Variants in IMMP2L observed in about 807,000 individuals in gnomAD.
IMMP2L encodes the protein mitochondrial inner membrane protease subunit 2.
A neutral mutation model predicts 19.3 loss-of-function variants in IMMP2L; 18 were observed. The ratio of observed to expected loss-of-function variants is 0.93; its 90% CI spans 0.64 to 1.38. IMMP2L has a LOEUF of 1.38. IMMP2L is among the 40% of genes most tolerant of loss of function. IMMP2L has a pLI of 0.00. For missense variants in IMMP2L, 233 were observed against 218.2 expected (o/e 1.07, Z -0.43); for synonymous variants, 76 against 73.0 (o/e 1.04, Z -0.21).
intron 3 of IMMP2L, among the ~76,000 whole-genome samples, chr7:111,482,612 C>G (rs1842287757): frequency 6.6e-6 from 1 of 151,996 alleles, no homozygotes; most frequent in South Asian, 2.1e-4. Context: ...TAGTCATGAC[C>G]CAAGTATGTG....
chr7:110,788,323 AT>A (rs1468214079), intron 5 of IMMP2L, among the ~76,000 whole-genome samples: 2 of 152,144 alleles, frequency 1.3e-5, no homozygotes, highest in South Asian at 4.1e-4. Context: ...TTGACAATTA[AT>A]TCTCAGTCCA....
At chr7:111,277,188 T>C (rs894839890) in intron 3 of IMMP2L, among the ~76,000 whole-genome samples, 2 of 151,734 alleles carry the variant, frequency 1.3e-5, no homozygotes, top group Non-Finnish European at 2.9e-5. Context: ...GTCTATAGAA[T>C]GGGAAAAAAT....
chr7:111,041,639 C>T (rs1188936841), intron 3 of IMMP2L, among the ~76,000 whole-genome samples: 8 of 151,578 alleles, frequency 5.3e-5, no homozygotes, highest in South Asian at 4.2e-4. Context: ...TACTAGATCC[C>T]GGGGCCCTAT....
chr7:111,432,976 AC>A (rs1836787224), intron 3 of IMMP2L, among the ~76,000 whole-genome samples: 2 of 151,566 alleles, frequency 1.3e-5, no homozygotes, highest in African/African-American at 4.9e-5. Flanking sequence ...AAAAAAAAAA[AC>A]ACACCTGGGA....
intron 5 of IMMP2L, among the ~76,000 whole-genome samples, chr7:110,816,793 G>T (rs1001432401): frequency 6.6e-6 from 1 of 151,454 alleles, no homozygotes; most frequent in Non-Finnish European, 1.5e-5. Flanking sequence ...TGCAACCCCT[G>T]CCTTTTTTTG....
chr7:111,400,787 G>T (rs781058410), intron 3 of IMMP2L, among the ~76,000 whole-genome samples: 1 of 151,942 alleles, frequency 6.6e-6, no homozygotes, highest in Non-Finnish European at 1.5e-5. Context: ...TATGACATTA[G>T]ATCAATGACT....
At chr7:111,157,715 TAA>T (rs890070704) in intron 3 of IMMP2L, among the ~76,000 whole-genome samples, 3 of 152,030 alleles carry the variant, frequency 2.0e-5, no homozygotes, top group Non-Finnish European at 4.4e-5. Flanking sequence ...ATTTAAAAAC[TAA>T]AAGAGTGTAA....
chr7:110,802,331 ATGTGTGTGTGTGTGTGTGTGTGTG>A (rs10545848), intron 5 of IMMP2L, among the ~76,000 whole-genome samples: 1 of 146,986 alleles, frequency 6.8e-6, no homozygotes, highest in African/African-American at 2.5e-5. Flanking sequence ...GTATGTGTGT[ATGTGTGTGTGTGTGTGTGTGTGTG>A]TGTGTGTGTG....
At chr7:111,012,460 T>C (rs142434799) in intron 3 of IMMP2L, among the ~76,000 whole-genome samples, 1 of 152,292 alleles carries the variant, frequency 6.6e-6, no homozygotes, top group African/African-American at 2.4e-5. Context: ...CTCTACATTA[T>C]ACTTTTTCAA....
chr7:111,039,783 A>C (rs1791712133), intron 3 of IMMP2L, among the ~76,000 whole-genome samples: 2 of 152,168 alleles, frequency 1.3e-5, no homozygotes, highest in African/African-American at 4.8e-5. Context: ...TTACCTAAGA[A>C]ATATCTTCTC....
intron 5 of IMMP2L, among the ~76,000 whole-genome samples, chr7:110,874,780 G>A (rs953459479): frequency 3.9e-5 from 6 of 152,012 alleles, no homozygotes; most frequent in Non-Finnish European, 7.4e-5. Context: ...GCCACAGATT[G>A]GGTAATTTAT....
chr7:110,761,583 T>A (rs1798351792), intron 5 of IMMP2L, among the ~76,000 whole-genome samples: 1 of 152,188 alleles, frequency 6.6e-6, no homozygotes, highest in Admixed American at 6.5e-5. Flanking sequence ...TAAATTTTTA[T>A]GAAAATAACC....
intron 3 of IMMP2L, among the ~76,000 whole-genome samples, chr7:111,008,366 T>C (rs1268556853): frequency 6.6e-6 from 1 of 152,100 alleles, no homozygotes; most frequent in Non-Finnish European, 1.5e-5. Flanking sequence ...GCTCAGGGAC[T>C]CTGTACTAAG....
At chr7:111,083,537 A>G (rs1231170801) in intron 3 of IMMP2L, among the ~76,000 whole-genome samples, 1 of 152,208 alleles carries the variant, frequency 6.6e-6, no homozygotes, top group East Asian at 1.9e-4. Context: ...GAGGGCCTCA[A>G]AAGATCACTG....
intron 3 of IMMP2L, among the ~76,000 whole-genome samples, chr7:111,048,436 A>G (rs1345909633): frequency 6.6e-6 from 1 of 151,978 alleles, no homozygotes; most frequent in African/African-American, 2.4e-5. Context: ...TGATTCAAAT[A>G]CCACCTTTGT....
chr7:111,234,175 C>T (rs972958825), intron 3 of IMMP2L, among the ~76,000 whole-genome samples: 2 of 151,946 alleles, frequency 1.3e-5, no homozygotes, highest in Non-Finnish European at 2.9e-5. Context: ...TCTTTCTTAA[C>T]CTATGGGTTA....
intron 3 of IMMP2L, among the ~76,000 whole-genome samples, chr7:111,051,909 G>T (rs1439760842): frequency 6.6e-6 from 1 of 152,162 alleles, no homozygotes; most frequent in Non-Finnish European, 1.5e-5. Context: ...TGGCCTAGGG[G>T]ATCCCAGAGA....
intron 2 of IMMP2L, among the ~76,000 whole-genome samples, chr7:111,514,564 G>A (rs765466291): frequency 6.6e-6 from 1 of 151,924 alleles, no homozygotes; most frequent in African/African-American, 2.4e-5. Flanking sequence ...TGTAATTGTT[G>A]CCAGTTTACC....
intron 5 of IMMP2L, among the ~76,000 whole-genome samples, chr7:110,693,036 C>G (rs531750323): frequency 3.3e-5 from 5 of 152,194 alleles, no homozygotes; most frequent in African/African-American, 1.2e-4. Flanking sequence ...CCTGGTGATG[C>G]ATCTCCATAT....
Sources: gnomAD v4.1 joint callset for allele counts (sites outside exome capture counted in the v4.1 genomes callset) on GRCh38, gnomAD v4.1.1 for gene constraint, MANE v1.5 for transcripts, NCBI Gene and HGNC (gene_info 2026-07-23, HGNC 2026-07-21) for gene names.